KLHL35: variants seen among roughly 807,000 people sequenced by gnomAD.
KLHL35 encodes kelch-like protein 35.
A neutral mutation model predicts 44.0 loss-of-function variants in KLHL35; 50 were observed. The ratio of observed to expected loss-of-function variants is 1.14; its 90% CI spans 0.91 to 1.44. KLHL35 has a LOEUF of 1.44. KLHL35 is among the 40% of genes most tolerant of loss of function. The probability of loss-of-function intolerance (pLI) is 0.00; values close to 1 mark genes in which losing one functional copy is unlikely to be tolerated. For missense variants in KLHL35, 1,049 were observed against 887.8 expected, an observed-to-expected ratio of 1.18 and a Z score of -2.31; for synonymous variants, 470 against 410.4, an observed-to-expected ratio of 1.15 and a Z score of -1.76.
At chr11:75,426,728 AG>A in intron 3 of KLHL35, 90 bp from the exon 4 acceptor site, 1 of 836,480 alleles carries the variant, frequency 1.2e-6, no homozygotes, top group Non-Finnish European at 1.9e-6. Flanking sequence ...CCAGATCCAA[AG>A]GAAGGGTTAA....
chr11:75,425,855 T>A (rs922371246), intron 4 of KLHL35: 5 of 381,670 alleles, frequency 1.3e-5, no homozygotes, highest in African/African-American at 2.1e-5. Context: ...AAGCTGATGC[T>A]TAATAATAAT....
chr11:75,430,722 A>G, intron 1 of KLHL35, 92 bp from the exon 2 acceptor site: 2 of 1,105,212 alleles, frequency 1.8e-6, no homozygotes, highest in Non-Finnish European at 2.3e-6. Context: ...TCCTCTCTTG[A>G]CCATTTGTTC....
chr11:75,431,698 C>T (rs1822182626), intron 1 of KLHL35, among the ~76,000 whole-genome samples: 1 of 152,214 alleles, frequency 6.6e-6, no homozygotes. Flanking sequence ...AGTCACTCCT[C>T]TCACCTGCCC....
Position 75,426,574 on chromosome 11 carries a change from T to C in KLHL35, c.1131A>G (p.Val377=). Residue 377 remains valine (V), a synonymous_variant, in exon 4 of 7, where the codon GTA becomes GTG. Coordinates refer to ENST00000539798, the MANE Select transcript of KLHL35 (RefSeq NM_001039548.3). Reference sequence around the variant, plus strand: ...TCCACCTGCCCTTGTGCAGAGAGGCTACCTTGATCCAGGTGTGCAGATGGG... The same window carrying C: ...TCCACCTGCCCTTGTGCAGAGAGGCCACCTTGATCCAGGTGTGCAGATGGG... ...FSSHLHTWIK[V]ASLHKGRWRH... is the part of the protein sequence containing the mutation. The C allele has an allele frequency of 6.2e-7, 1 of 1,607,420 alleles. No homozygotes were observed.
At chr11:75,426,414 G>T (rs1438833347) in intron 4 of KLHL35, 106 bp downstream of exon 4, 47 of 663,812 alleles carry the variant, frequency 7.1e-5, no homozygotes, top group Non-Finnish European at 9.5e-5. Context: ...TTTTTGGGGG[G>T]CTTCAGACCC....
intron 4 of KLHL35, chr11:75,426,185 GACCTC>G: frequency 6.0e-6 from 1 of 167,030 alleles, no homozygotes; most frequent in South Asian, 1.4e-4. Context: ...TGGATCTCCT[GACCTC>G]GTGATCCGCC....
chr11:75,427,428 G>C (rs555962605), intron 3 of KLHL35, among the ~76,000 whole-genome samples: 51 of 152,332 alleles, frequency 3.3e-4, no homozygotes, highest in African/African-American at 1.2e-3. Flanking sequence ...TTCAGCCTGA[G>C]CCTGTGACCA....
chr11:75,431,589 T>C (rs1454643032), intron 1 of KLHL35, among the ~76,000 whole-genome samples: 1 of 152,164 alleles, frequency 6.6e-6, no homozygotes, highest in Non-Finnish European at 1.5e-5. Context: ...GTTCTCTTGG[T>C]GTTCTCCAGG....
intron 1 of KLHL35, among the ~76,000 whole-genome samples, chr11:75,432,231 T>A (rs995325212): frequency 6.6e-6 from 1 of 152,176 alleles, no homozygotes; most frequent in African/African-American, 2.4e-5. Flanking sequence ...CTCTGCTGCC[T>A]CTGGAGGTCA....
At chr11:75,432,472 C>T (rs939340950) in intron 1 of KLHL35, among the ~76,000 whole-genome samples, 2 of 152,164 alleles carry the variant, frequency 1.3e-5, no homozygotes, top group African/African-American at 4.8e-5. Context: ...GAAGTGAGAC[C>T]GGTCATCACA....
Position 75,430,266 on chromosome 11 carries a change from C to G in KLHL35, c.364G>C (p.Glu122Gln). 1 of 1,204,086 alleles carries G rather than the reference C, an allele frequency of 8.3e-7. No individual in the cohort carries two copies. Among genetic ancestry groups the G allele is most frequent in the Non-Finnish European group, 1.0e-6 (1 of 972,560 alleles). 74.6% of individuals were successfully genotyped at this position (1,204,086 alleles called of 1,614,324 possible). Residue 122 changes from glutamate (E) to glutamine (Q), a missense_variant, in exon 2 of 7, where the codon GAG (glutamate) becomes CAG (glutamine). By Grantham distance (29) the Glu-to-Gln change is conservative. Transcript: ENST00000539798. ...GCCAGCGCCAGCACGGCCGCCGCCT[C>G]GTCCTCCGCGCGCAGCCGCACGCCC... is the stretch of plus-strand genomic sequence containing the variant. ...GAGVRLRAED[E>Q]AAAVLALAER...
At chr11:75,426,668 C>T (rs1447927798) in intron 3 of KLHL35, 30 bp from the exon 4 acceptor site, 17 of 1,478,892 alleles carry the variant, frequency 1.1e-5, no homozygotes, top group East Asian at 4.8e-5. Flanking sequence ...TGTTGCCCAT[C>T]GGCTCTCTTG....
Position 75,430,264 on chromosome 11 carries a change from C to T in KLHL35, c.366G>A (p.Glu122=), listed in dbSNP as rs1948524756. 1 of 1,204,578 alleles carries T rather than the reference C, an allele frequency of 8.3e-7. No homozygotes were observed. The highest frequency in any genetic ancestry group is 1.0e-6 in the Non-Finnish European group (1 of 972,700). The allele number at this position is 1,204,578 out of a possible 1,614,324, so 74.6% of individuals were successfully genotyped here. ...GAGVRLRAED[E]AAAVLALAER... The stretch of plus-strand genomic sequence containing the variant: ...CCGCCAGCGCCAGCACGGCCGCCGC[C>T]TCGTCCTCCGCGCGCAGCCGCACGC... Residue 122 remains glutamate (E), a synonymous_variant, in exon 2 of 7, where the codon GAG becomes GAA. Coordinates refer to ENST00000539798, the MANE Select transcript of KLHL35 (RefSeq NM_001039548.3).
chr11:75,423,722 C>T lies in KLHL35; in HGVS notation c.1533G>A (p.Trp511Ter). 12 of 1,613,830 alleles carry T rather than the reference C, an allele frequency of 7.4e-6. No individual in the cohort carries two copies. Among genetic ancestry groups the T allele is most frequent in the South Asian group, 1.1e-5 (1 of 91,082 alleles). The change falls in exon 6 of 7, where the codon TGG becomes TGA. Residue 511 changes from tryptophan to a stop codon, truncating the protein, a stop_gained. Coordinates refer to ENST00000539798, the MANE Select transcript of KLHL35 (RefSeq NM_001039548.3). LOFTEE classifies it high-confidence loss of function. ...GGCTGGGGAGGACAGCTGCCTCCCC[C>T]CACACATCTGTGCCTGGATCATAGG... Reference protein sequence around the residue: ...IFTYDPGTDVWGEAAVLPSPV... With the variant: ...IFTYDPGTDV
Position 75,430,320 on chromosome 11 carries a change from C to G in KLHL35, c.310G>C (p.Ala104Pro). The G allele has an allele frequency of 7.9e-7, 1 of 1,261,502 alleles. No homozygotes were observed. Among genetic ancestry groups the G allele is most frequent in the Non-Finnish European group, 1.0e-6 (1 of 1,003,586 alleles). 78.1% of individuals were successfully genotyped at this position (1,261,502 alleles called of 1,614,324 possible). The part of the protein sequence containing the change: ...TSPAGAAAAL[A>P]VVLDYVYGAG... ...CCGTACACGTAGTCGAGCACCACGG[C>G]CAGCGCCGCCGCCGCCCCGGCCGGG... Residue 104 changes from alanine to proline, a missense_variant, in exon 2 of 7, where the codon GCC becomes CCC. Ala to Pro is a conservative substitution (Grantham distance 27, BLOSUM62 -1). Transcript: ENST00000539798.
At position 75,430,390 on chromosome 11, in the gene KLHL35, G is replaced by T; in HGVS notation, c.240C>A (p.Ala80=). Residue 80 remains alanine, a synonymous_variant, in exon 2 of 7, where the codon GCC becomes GCA. Transcript: ENST00000539798. ...FAAGRPERGP[A]VVPVVPVAPE... ...GAGCTACTGGCACCACTGGCACCAC[G>T]GCCGGGCCGCGCTCGGGCCGCCCGG... 7.3e-7 allele frequency: 1 copy of T among 1,365,642 alleles called. No homozygotes were observed. Among genetic ancestry groups the T allele is most frequent in the South Asian group, 1.6e-5 (1 of 64,338 alleles). 84.6% of individuals were successfully genotyped at this position (1,365,642 alleles called of 1,614,324 possible).
Position 75,430,065 on chromosome 11 carries a change from C to A in KLHL35, c.565G>T (p.Ala189Ser). The part of the protein sequence containing the change: ...RQAFAEVARH[A>S]DFLELAPDEV... ...TCAGGCGCCAGCTCCAGGAAGTCGGCGTGGCGCGCCACCTCGGCGAAGGCC... is the reference window on the plus strand; with the variant it reads ...TCAGGCGCCAGCTCCAGGAAGTCGGAGTGGCGCGCCACCTCGGCGAAGGCC... The change falls in exon 2 of 7, where the codon GCC becomes TCC. Residue 189 changes from alanine to serine, a missense_variant. Physicochemically the swap from Ala to Ser is moderately conservative, Grantham distance 99 (BLOSUM62 1). Coordinates refer to ENST00000539798, the MANE Select transcript of KLHL35 (RefSeq NM_001039548.3). 1.4e-6 allele frequency: 2 copies of A among 1,393,814 alleles called. No homozygotes were observed. Among genetic ancestry groups the A allele is most frequent in the Non-Finnish European group, 1.9e-6 (2 of 1,075,060 alleles). 86.3% of individuals were successfully genotyped at this position (1,393,814 alleles called of 1,614,324 possible). A position where few individuals can be genotyped will look rare whatever the true frequency, so the allele number is the denominator to read the frequency against.
intron 1 of KLHL35, among the ~76,000 whole-genome samples, chr11:75,431,159 G>A (rs189073327): frequency 6.6e-6 from 1 of 152,296 alleles, no homozygotes; most frequent in East Asian, 1.9e-4. Context: ...GAGACCCAGT[G>A]TGTGCATGTG....
intron 3 of KLHL35, among the ~76,000 whole-genome samples, chr11:75,428,111 T>C (rs567398570): frequency 6.6e-6 from 1 of 152,230 alleles, no homozygotes; most frequent in African/African-American, 2.4e-5. Context: ...TAAAACAGCA[T>C]TGTAGGGGGA....
Sources: gnomAD v4.1 joint callset for allele counts (sites outside exome capture counted in the v4.1 genomes callset) on GRCh38, gnomAD v4.1.1 for gene constraint, MANE v1.5 for transcripts, NCBI Gene and HGNC (gene_info 2026-07-23, HGNC 2026-07-21) for gene names.